CTNND1: variants seen among roughly 807,000 people sequenced by gnomAD.
CTNND1 encodes the protein catenin delta-1.
CTNND1 carries 16 observed loss-of-function variants against 112.1 expected under a neutral mutation model. The ratio of observed to expected loss-of-function variants is 0.14; its 90% CI spans 0.10 to 0.22. The LOEUF (loss-of-function observed/expected upper bound fraction) is 0.22, where lower values mean the gene tolerates loss of function less well. Ranked by LOEUF, CTNND1 falls within the 10% of genes least tolerant of loss-of-function variation. CTNND1 has a pLI of 1.00. For missense variants in CTNND1, 1,008 were observed against 1,257.0 expected (o/e 0.80, Z 3.00); for synonymous variants, 420 against 446.5 (o/e 0.94, Z 0.75).
At position 57,794,012 on chromosome 11, in the gene CTNND1, C is replaced by T. The variant is rs566085193; in HGVS notation, c.198C>T (p.Asn66=). The change falls in exon 4 of 21, where the codon AAC becomes AAT. Residue 66 remains asparagine (N), a splice_region_variant and synonymous_variant. Transcript: ENST00000399050. ...TCTTCTTGTGGGCTGTGTTTCAGAACGGCCGGTTTGTGGGCGATGCTGACC... is the reference window on the plus strand; with the variant it reads ...TCTTCTTGTGGGCTGTGTTTCAGAATGGCCGGTTTGTGGGCGATGCTGACC... ...ANGTLTRRHQ[N]GRFVGDADLE... is the part of the protein sequence containing the mutation. The T allele has an allele frequency of 3.5e-5, 57 of 1,613,904 alleles. No individual in the cohort carries two copies. In the South Asian group the frequency reaches 3.7e-4, roughly 11 times the overall value.
At chr11:57,772,859 CT>C (rs1282210831) in intron 1 of CTNND1, among the ~76,000 whole-genome samples, 1 of 151,980 alleles carries the variant, frequency 6.6e-6, no homozygotes, top group South Asian at 2.1e-4. Flanking sequence ...CTTTCTCTCT[CT>C]TTCTCTCACC....
At position 57,814,231 on chromosome 11, in the gene CTNND1, G is replaced by A. The variant is rs2063695843; in HGVS notation, c.2639-80G>A. 7 of 944,446 alleles carry A rather than the reference G, an allele frequency of 7.4e-6. No homozygotes were observed. In the Admixed American group the frequency reaches 9.9e-5, roughly 13 times the overall value. 58.5% of individuals were successfully genotyped at this position (944,446 alleles called of 1,614,324 possible). A position where few individuals can be genotyped will look rare whatever the true frequency, so the allele number is the denominator to read the frequency against. On this transcript the variant is annotated intron_variant, in intron 17 of 20. Coordinates refer to ENST00000399050, the MANE Select transcript of CTNND1 (RefSeq NM_001085458.2). ...AAGTGTGAATGAAGGGAAGGAAGGA[G>A]GACCAGAGAGCAATTTTCATGATGT...
chr11:57,786,207 T>TTG (rs1476536679), intron 1 of CTNND1, among the ~76,000 whole-genome samples: 1 of 150,394 alleles, frequency 6.6e-6, no homozygotes, highest in Non-Finnish European at 1.5e-5. Flanking sequence ...TTTTTTTTTT[T>TTG]TGGTGAGAGG....
Position 57,805,872 on chromosome 11 carries a change from T to C in CTNND1, c.1723-10T>C, listed in dbSNP as rs377057018. ...TTCTTTTTTCTCATTGGCCCTTTTA[T>C]GTCCCTAAGCTTGTAGAGAACTGTG... On this transcript the variant is annotated splice_polypyrimidine_tract_variant and intron_variant, in intron 9 of 20. Coordinates refer to ENST00000399050, the MANE Select transcript of CTNND1 (RefSeq NM_001085458.2). 21 of 1,609,624 alleles carry C rather than the reference T, an allele frequency of 1.3e-5. No homozygotes were observed. In the African/African-American group the frequency reaches 2.0e-4, roughly 15 times the overall value.
In CTNND1 at chr11:57,809,351, A is replaced by G. The variant is rs201083871; in HGVS notation, c.2320A>G (p.Thr774Ala). 14 of 1,613,878 alleles carry G rather than the reference A, an allele frequency of 8.7e-6. No homozygotes were observed. The East Asian group carries it at 2.7e-4, about 31-fold the overall frequency. Residue 774 changes from threonine (T) to alanine (A), a missense_variant, in exon 15 of 21, where the codon ACT (threonine) becomes GCT (alanine). Physicochemically the swap from Thr to Ala is moderately conservative, Grantham distance 58. Around this residue, in one of 5 missense-constraint regions of CTNND1, gnomAD observed 254 missense variants for 279.5 expected, o/e 0.91. Coordinates refer to ENST00000399050, the MANE Select transcript of CTNND1 (RefSeq NM_001085458.2). ...QNSSWNFSED[T>A]VISILNTINE... ...CTCCTCTTGGAATTTCTCTGAGGAC[A>G]CTGTCATCTCTATTTTGAACACTAT...
In CTNND1 at chr11:57,808,083, A is replaced by G. The variant is rs1377957710; in HGVS notation, c.1964-82A>G. ...AAGCATAAATCCATCAACTGAGAGTACTAAGGCTGGACTCCAGCCAGCTAG... is the reference window on the plus strand; with the variant it reads ...AAGCATAAATCCATCAACTGAGAGTGCTAAGGCTGGACTCCAGCCAGCTAG... On this transcript the variant is annotated intron_variant, in intron 12 of 20. Coordinates refer to ENST00000399050, the MANE Select transcript of CTNND1 (RefSeq NM_001085458.2). 5.5e-6 allele frequency: 8 copies of G among 1,454,660 alleles called. No individual in the cohort carries two copies. The South Asian group carries it at 9.2e-5, about 17-fold the overall frequency. 90.1% of individuals were successfully genotyped at this position (1,454,660 alleles called of 1,614,324 possible). A position where few individuals can be genotyped will look rare whatever the true frequency, so the allele number is the denominator to read the frequency against.
At chr11:57,783,441 C>T (rs975044456) in intron 1 of CTNND1, among the ~76,000 whole-genome samples, 1 of 152,074 alleles carries the variant, frequency 6.6e-6, no homozygotes, top group South Asian at 2.1e-4. Context: ...GGGTGGATCA[C>T]GAGGTCAGGA....
chr11:57,805,960 C>G lies in CTNND1; in HGVS notation c.1801C>G (p.Gln601Glu), dbSNP rs1359222313. 1 of 1,613,110 alleles carries G rather than the reference C, an allele frequency of 6.2e-7. No homozygotes were observed. The highest frequency in any genetic ancestry group is 8.5e-7 in the Non-Finnish European group (1 of 1,179,482). The change falls in exon 10 of 21, where the codon CAA becomes GAA. Residue 601 changes from glutamine (Q) to glutamate (E), a missense_variant. By Grantham distance (29) the Gln-to-Glu change is conservative. This residue lies in a region of CTNND1 where 254 missense variants were observed against 279.5 expected (regional missense o/e 0.91). Transcript: ENST00000399050. ...GGAGATCCCACAGGCAGAGCGTTACCAAGAGGCAGCTCCCAATGTTGCCAA... is the reference window on the plus strand; with the variant it reads ...GGAGATCCCACAGGCAGAGCGTTACGAAGAGGCAGCTCCCAATGTTGCCAA... ...HREIPQAERYQEAAPNVANNT... is the reference protein window; with the variant it reads ...HREIPQAERYEEAAPNVANNT...
Position 57,803,738 on chromosome 11 carries a change from A to G in CTNND1, c.1538A>G (p.Asn513Ser). 1 of 1,613,628 alleles carries G rather than the reference A, an allele frequency of 6.2e-7. No individual in the cohort carries two copies. The highest frequency in any genetic ancestry group is 1.1e-5 in the South Asian group (1 of 90,990). ...IPHSGWEREP[N>S]EDCKPRHIEW... ...CATTCTGGTTGGGAGCGGGAACCTAATGAAGACTGTAAGCCACGCCACATT... is the reference window on the plus strand; with the variant it reads ...CATTCTGGTTGGGAGCGGGAACCTAGTGAAGACTGTAAGCCACGCCACATT... Residue 513 changes from asparagine to serine, a missense_variant, in exon 8 of 21, where the codon AAT becomes AGT. Asn to Ser is a conservative substitution (Grantham distance 46). This residue lies in a region of CTNND1 where 216 missense variants were observed against 342.8 expected (regional missense o/e 0.63). Transcript: ENST00000399050.
At chr11:57,773,134 T>C (rs1953142241) in intron 1 of CTNND1, among the ~76,000 whole-genome samples, 1 of 152,224 alleles carries the variant, frequency 6.6e-6, no homozygotes, top group Non-Finnish European at 1.5e-5. Context: ...TACTTCATCA[T>C]ATATAGATGG....
At chr11:57,773,621 CTT>C (rs879611637) in intron 1 of CTNND1, among the ~76,000 whole-genome samples, 22 of 138,072 alleles carry the variant, frequency 1.6e-4, no homozygotes, top group Admixed American at 2.2e-4. Flanking sequence ...CTGGCTATGT[CTT>C]TTTTTTTTTT....
chr11:57,793,971 G>A lies in CTNND1; in HGVS notation c.196-39G>A, dbSNP rs750337023. 4 of 1,600,038 alleles carry A rather than the reference G, an allele frequency of 2.5e-6. No homozygotes were observed. The South Asian group carries it at 3.3e-5, about 13-fold the overall frequency. Reference sequence around the variant, plus strand: ...TTTGTATTTGATAGAGCAAAAGAAGGCCACAAAATGAATTGTCTTCTTGTG... The same window carrying A: ...TTTGTATTTGATAGAGCAAAAGAAGACCACAAAATGAATTGTCTTCTTGTG... On this transcript the variant is annotated intron_variant, in intron 3 of 20. Coordinates refer to ENST00000399050, the MANE Select transcript of CTNND1 (RefSeq NM_001085458.2).
chr11:57,801,076 T>C (rs2061974936), intron 6 of CTNND1, among the ~76,000 whole-genome samples: 1 of 152,206 alleles, frequency 6.6e-6, no homozygotes, highest in Non-Finnish European at 1.5e-5. Flanking sequence ...AGACATGACC[T>C]TGGAATGACT....
At chr11:57,803,383 C>T (rs1367762107) in intron 7 of CTNND1, among the ~76,000 whole-genome samples, 1 of 152,236 alleles carries the variant, frequency 6.6e-6, no homozygotes, top group East Asian at 1.9e-4. Flanking sequence ...CCACCACACC[C>T]AGCCTGAGCG....
chr11:57,811,323 G>A, intron 16 of CTNND1, 76 bp from the exon 17 acceptor site: 1 of 1,179,574 alleles, frequency 8.5e-7, no homozygotes, highest in Non-Finnish European at 1.2e-6. Flanking sequence ...GGAACCTAGA[G>A]GTTTATGCCC....
chr11:57,813,544 A>G (rs993417154), intron 17 of CTNND1, among the ~76,000 whole-genome samples: 26 of 152,354 alleles, frequency 1.7e-4, no homozygotes, highest in Admixed American at 1.5e-3. Flanking sequence ...TTTTAACTAA[A>G]CAGAATATGA....
At chr11:57,765,284 C>T (rs1014583390) in intron 1 of CTNND1, among the ~76,000 whole-genome samples, 3 of 152,064 alleles carry the variant, frequency 2.0e-5, no homozygotes, top group African/African-American at 7.2e-5. Context: ...TTGGTACATA[C>T]TGAGGTGCTC....
chr11:57,808,600 G>A (rs2062978987), intron 14 of CTNND1, 60 bp downstream of exon 14: 2 of 1,426,736 alleles, frequency 1.4e-6, no homozygotes, highest in Non-Finnish European at 9.3e-7. Flanking sequence ...TAGTCCAGCA[G>A]GTGCCTAATA....
rs1402834409 is a variant in CTNND1, at chr11:57,814,126, G to A, written c.2639-185G>A. ...GCCCAGGAGTTTCAGACCAGCCTGA[G>A]CAACATAGTGAGACCTCATCTCTAC... On this transcript the variant is annotated intron_variant, in intron 17 of 20. Coordinates refer to ENST00000399050, the MANE Select transcript of CTNND1 (RefSeq NM_001085458.2). The A allele has an allele frequency of 1.4e-5, 8 of 560,326 alleles. No homozygotes were observed. In the East Asian group the frequency reaches 2.5e-4, roughly 17 times the overall value. The allele number at this position is 560,326 out of a possible 1,614,324, so 34.7% of individuals were successfully genotyped here.
Sources: allele counts gnomAD v4.1 joint callset (sites outside exome capture counted in the v4.1 genomes callset), GRCh38; gene constraint gnomAD v4.1.1; regional missense constraint gnomAD v4.1.1; transcripts MANE v1.5; gene names NCBI Gene and HGNC (gene_info 2026-07-23, HGNC 2026-07-21).